USP32: variants seen among roughly 807,000 people sequenced by gnomAD.
The protein encoded by USP32 is ubiquitin carboxyl-terminal hydrolase 32.
USP32 carries 59 observed loss-of-function variants against 204.8 expected under a neutral mutation model. The observed-to-expected ratio is 0.29, with a 90% CI of 0.23 to 0.36. USP32 has a LOEUF of 0.36. USP32 is among the 10% of genes least tolerant of loss of function. The probability of loss-of-function intolerance (pLI) is 1.00; values close to 1 mark genes in which losing one functional copy is unlikely to be tolerated. For missense variants in USP32, 1,160 were observed against 1,946.4 expected (o/e 0.60, Z 7.60); for synonymous variants, 517 against 678.4 (o/e 0.76, Z 3.70).
intron 5 of USP32, among the ~76,000 whole-genome samples, chr17:60,272,341 A>C (rs2086743781): frequency 6.6e-6 from 1 of 152,196 alleles, no homozygotes; most frequent in African/African-American, 2.4e-5. Context: ...AAGCCATGAA[A>C]GCATGAACAC....
Position 60,367,140 on chromosome 17 carries a change from G to C in USP32, c.59-21532C>G, listed in dbSNP as rs114148151. Among the ~76,000 whole-genome samples the C allele has an allele frequency of 1.1e-3, 171 of 152,234 alleles. 1 individual carries two copies. Among genetic ancestry groups the C allele is most frequent in the African/African-American group, 3.1e-3 (130 of 41,542 alleles). On this transcript the variant is annotated intron_variant, in intron 1 of 33. Coordinates refer to ENST00000300896, the MANE Select transcript of USP32 (RefSeq NM_032582.4). ...CCGCGCCTAGCCTAAGCCCACTTTTGAAAAGAATCTCACCTACAGTTGCTC... is the reference window on the plus strand; with the variant it reads ...CCGCGCCTAGCCTAAGCCCACTTTTCAAAAGAATCTCACCTACAGTTGCTC...
At chr17:60,378,180 T>C (rs543073972) in intron 1 of USP32, among the ~76,000 whole-genome samples, 2 of 152,056 alleles carry the variant, frequency 1.3e-5, no homozygotes, top group East Asian at 3.9e-4. Flanking sequence ...AAATGACCAA[T>C]AGCACATTAA....
At chr17:60,199,815 A>G (rs1339373383) in intron 26 of USP32, among the ~76,000 whole-genome samples, 1 of 152,200 alleles carries the variant, frequency 6.6e-6, no homozygotes, top group Non-Finnish European at 1.5e-5. Flanking sequence ...TCCTCTCATT[A>G]AGGAACTTCT....
chr17:60,289,817 T>C (rs187705002), intron 4 of USP32, among the ~76,000 whole-genome samples: 26 of 152,310 alleles, frequency 1.7e-4, no homozygotes, highest in Middle Eastern at 3.4e-3. Context: ...ACAGTCAAGA[T>C]TGGAGCAGCT....
chr17:60,349,578 GAAAAAAA>G (rs757370384), intron 1 of USP32, among the ~76,000 whole-genome samples: 90 of 27,718 alleles, frequency 3.2e-3, no homozygotes, highest in Non-Finnish European at 3.6e-3. Context: ...TGTCTCAAAA[GAAAAAAA>G]AAAAAAAAAA....
In USP32 at chr17:60,401,305, G is replaced by A. The variant is rs138751021; in HGVS notation, c.106+20941C>T. Among the ~76,000 whole-genome samples the A allele has an allele frequency of 7.9e-3, 1,204 of 152,294 alleles. 16 individuals are homozygous for A. Among genetic ancestry groups the A allele is most frequent in the African/African-American group, 0.027 (1,142 of 41,548 alleles). On this transcript the variant is annotated intron_variant, in intron 1 of 3. Coordinates refer to the USP32 transcript ENST00000588898. ...GAATAGCGTGAACCAGGGAGGCGGA[G>A]CTTGCAGTGAGCCGAGATCGCGCCA...
At chr17:60,197,791 C>T (rs1181090926) in intron 27 of USP32, among the ~76,000 whole-genome samples, 2 of 152,076 alleles carry the variant, frequency 1.3e-5, no homozygotes, top group African/African-American at 4.8e-5. Context: ...GAAATTACTT[C>T]ACGTTAAAAT....
intron 9 of USP32, among the ~76,000 whole-genome samples, chr17:60,263,108 C>T (rs773250013): frequency 4.6e-5 from 7 of 152,096 alleles, no homozygotes; most frequent in African/African-American, 7.2e-5. Context: ...GCTACTGTGC[C>T]TGGCTACGTT....
chr17:60,281,277 G>A (rs371005378), intron 5 of USP32, among the ~76,000 whole-genome samples: 4 of 152,346 alleles, frequency 2.6e-5, no homozygotes, highest in African/African-American at 7.2e-5. Flanking sequence ...AGTGGCTCAC[G>A]CCTGTAATCC....
chr17:60,316,250 C>CA (rs139834899), intron 2 of USP32: 2,087 of 143,318 alleles, frequency 0.015, 13 homozygotes, highest in Admixed American at 0.027. Flanking sequence ...ATTTCATTCT[C>CA]AAAAAAAAAA....
At chr17:60,358,749 A>G (rs2089142150) in intron 1 of USP32, among the ~76,000 whole-genome samples, 1 of 152,220 alleles carries the variant, frequency 6.6e-6, no homozygotes, top group Non-Finnish European at 1.5e-5. Flanking sequence ...GAGAAACTAG[A>G]TGAGACCAGG....
chr17:60,344,323 T>G (rs1325764459), intron 2 of USP32, among the ~76,000 whole-genome samples: 1 of 151,996 alleles, frequency 6.6e-6, no homozygotes, highest in Admixed American at 6.6e-5. Flanking sequence ...AGAAATGGTG[T>G]TTTACCATGT....
intron 5 of USP32, among the ~76,000 whole-genome samples, chr17:60,279,083 T>C (rs577338198): frequency 1.3e-5 from 2 of 152,192 alleles, no homozygotes; most frequent in African/African-American, 2.4e-5. Context: ...TTACATAGAA[T>C]GTTTATGCTC....
At chr17:60,246,804 T>C (rs144295301) in intron 11 of USP32, among the ~76,000 whole-genome samples, 1 of 152,354 alleles carries the variant, frequency 6.6e-6, no homozygotes, top group East Asian at 1.9e-4. Flanking sequence ...TGAGCATTTT[T>C]TCATATATCT....
chr17:60,339,411 C>T (rs1192043680), intron 2 of USP32, among the ~76,000 whole-genome samples: 7 of 151,286 alleles, frequency 4.6e-5, no homozygotes, highest in African/African-American at 1.7e-4. Flanking sequence ...GGTAAAACCT[C>T]GTCTCTACTA....
At position 60,301,605 on chromosome 17, in the gene USP32, C is replaced by A. The variant is rs753339760; in HGVS notation, c.286G>T (p.Ala96Ser). 3.2e-6 allele frequency: 5 copies of A among 1,573,568 alleles called. No homozygotes were observed. In the South Asian group the frequency reaches 4.7e-5, roughly 15 times the overall value. The change falls in exon 3 of 34, where the codon GCA (alanine) becomes TCA (serine). Residue 96 changes from alanine to serine, a missense_variant. Coordinates refer to ENST00000300896, the MANE Select transcript of USP32 (RefSeq NM_032582.4). ...AGATAATAAAAGTACTTACATTTTG[C>A]TTTCTCTTCATCTTTGCCTCTTGTA... is the stretch of plus-strand genomic sequence containing the variant. ...LLTRGKDEEKAKYIFSLFSSE... is the reference protein window; with the variant it reads ...LLTRGKDEEKSKYIFSLFSSE...
rs781465607 is a variant in USP32 at position 60,391,959 on chromosome 17, C to CG, written c.-21dup. The CG allele has an allele frequency of 8.9e-5, 143 of 1,607,394 alleles. No homozygotes were observed. The highest frequency in any genetic ancestry group is 3.4e-5 in the Admixed American group (2 of 59,130). On this transcript the variant is annotated 5_prime_UTR_variant, in exon 1 of 34. Transcript: ENST00000300896. ...ACCCATGCTCCCCTCATCCCCTCGG[C>CG]GGGGGGTCGGAGCCTGATCTCGCCC...
intron 1 of USP32, among the ~76,000 whole-genome samples, chr17:60,401,592 T>C (rs1392968297): frequency 2.0e-5 from 3 of 151,000 alleles, no homozygotes; most frequent in Non-Finnish European, 4.4e-5. Flanking sequence ...AGTAGACCTC[T>C]GGGGGCTGGG....
chr17:60,349,627 TA>T (rs1247061416), intron 1 of USP32, among the ~76,000 whole-genome samples: 12 of 63,494 alleles, frequency 1.9e-4, no homozygotes, highest in Middle Eastern at 6.6e-3. Context: ...ATATATATTA[TA>T]TATATATATA....
Sources: gnomAD v4.1 joint callset for allele counts (sites outside exome capture counted in the v4.1 genomes callset) on GRCh38, gnomAD v4.1.1 for gene constraint, MANE v1.5 for transcripts, NCBI Gene and HGNC (gene_info 2026-07-23, HGNC 2026-07-21) for gene names.